The following CTNNA2 variants were observed in gnomAD, a reference collection of about 807,000 sequenced individuals.
The protein encoded by CTNNA2 is catenin alpha-2.
Under a neutral mutation model 101.0 loss-of-function variants are expected in CTNNA2, and 42 were observed. The ratio of observed to expected loss-of-function variants is 0.42; its 90% confidence interval spans 0.32 to 0.54. The LOEUF (loss-of-function observed/expected upper bound fraction) is 0.54, where lower values mean the gene tolerates loss of function less well. CTNNA2 is among the 20% of genes least tolerant of loss of function. The pLI is 0.14. For synonymous variants in CTNNA2, 450 were observed against 456.4 expected, an observed-to-expected ratio of 0.99 and a Z score of 0.18; for missense variants, 871 against 1,223.1, an observed-to-expected ratio of 0.71 and a Z score of 4.29.
chr2:79,680,709 G>T (rs1003751236), intron 2 of CTNNA2, among the ~76,000 whole-genome samples: 1 of 152,168 alleles, frequency 6.6e-6, no homozygotes, highest in Non-Finnish European at 1.5e-5. Context: ...GGGCATTCTT[G>T]ATCTAAATGC....
chr2:80,541,532 A>T (rs1240036540), intron 9 of CTNNA2, among the ~76,000 whole-genome samples: 1 of 152,166 alleles, frequency 6.6e-6, no homozygotes, highest in Non-Finnish European at 1.5e-5. Flanking sequence ...AGTTCAAAAG[A>T]TACACAAAGA....
intron 11 of CTNNA2, 87 bp downstream of exon 11, chr2:80,546,150 T>A (rs370262764): frequency 6.6e-7 from 1 of 1,507,556 alleles, no homozygotes; most frequent in African/African-American, 1.4e-5. Context: ...GTCATGGATC[T>A]GTGTTTCAGG....
At chr2:79,288,084 C>G (rs954708616) in intron 2 of CTNNA2, among the ~76,000 whole-genome samples, 1 of 152,220 alleles carries the variant, frequency 6.6e-6, no homozygotes, top group South Asian at 2.1e-4. Context: ...CCAAGTGAGG[C>G]AATGCCTCGC....
intron 3 of CTNNA2, among the ~76,000 whole-genome samples, chr2:79,825,119 T>G (rs899592299): frequency 6.6e-6 from 1 of 151,612 alleles, no homozygotes; most frequent in Non-Finnish European, 1.5e-5. Context: ...AGCCCAGGAG[T>G]TCAAGGCTGC....
rs563568643 is a variant in CTNNA2 at position 79,710,930 on chromosome 2, A to G, written c.103-33457A>G. On this transcript the variant is annotated intron_variant, in intron 2 of 18. Transcript: ENST00000402739. ...GGCTTTATGAGCTGAATGTATTTTT[A>G]GCAAAGGAATGCCTTTTTGCATGAA... Among the ~76,000 whole-genome samples, 4 of 152,330 alleles carry G rather than the reference A, an allele frequency of 2.6e-5. No homozygotes were observed. In the South Asian group the frequency reaches 8.3e-4, roughly 32 times the overall value.
chr2:79,617,119 G>A (rs1325561078), intron 1 of CTNNA2, among the ~76,000 whole-genome samples: 1 of 152,048 alleles, frequency 6.6e-6, no homozygotes, highest in Non-Finnish European at 1.5e-5. Context: ...GGCCAGGCTA[G>A]TCTCGAACTC....
chr2:79,706,043 G>C (rs749738941), intron 2 of CTNNA2, among the ~76,000 whole-genome samples: 1 of 152,046 alleles, frequency 6.6e-6, no homozygotes, highest in East Asian at 1.9e-4. Flanking sequence ...TGGAAGAGCC[G>C]AAGGCCTTCG....
chr2:79,555,165 G>A lies in CTNNA2; in HGVS notation c.-6+41958G>A, dbSNP rs546864699. ...AATTGAGATGCAGGTGACATCCTTA[G>A]GATTCCTAGGTGACAAAAAACTGTT... On this transcript the variant is annotated intron_variant, in intron 1 of 18. Transcript: ENST00000402739. Among the ~76,000 whole-genome samples, 12 of 152,218 alleles carry A rather than the reference G, an allele frequency of 7.9e-5. No homozygotes were observed. The East Asian group carries it at 2.3e-3, about 29-fold the overall frequency.
chr2:80,493,408 G>T (rs180936321), intron 9 of CTNNA2, among the ~76,000 whole-genome samples: 1 of 152,318 alleles, frequency 6.6e-6, no homozygotes, highest in Admixed American at 6.5e-5. Context: ...ATGGAGAATA[G>T]AAGTTGGTGA....
chr2:79,280,072 T>A (rs1183716867), intron 2 of CTNNA2, among the ~76,000 whole-genome samples: 2 of 152,188 alleles, frequency 1.3e-5, no homozygotes, highest in African/African-American at 4.8e-5. Flanking sequence ...GAAATTGTGG[T>A]CTACAGGACA....
At chr2:79,354,383 T>C (rs965627146) in intron 3 of CTNNA2, among the ~76,000 whole-genome samples, 1 of 152,194 alleles carries the variant, frequency 6.6e-6, no homozygotes, top group Non-Finnish European at 1.5e-5. Context: ...TTTAAAATTC[T>C]TTCTTCTTTA....
At chr2:79,691,371 C>T (rs971637465) in intron 2 of CTNNA2, among the ~76,000 whole-genome samples, 4 of 151,694 alleles carry the variant, frequency 2.6e-5, no homozygotes, top group African/African-American at 7.3e-5. Context: ...TTAGTGGATA[C>T]CATAGAGATT....
intron 2 of CTNNA2, among the ~76,000 whole-genome samples, chr2:79,740,096 G>A (rs76313921): frequency 0.077 from 11,779 of 152,064 alleles, 805 homozygotes; most frequent in African/African-American, 0.18. Flanking sequence ...TTGTGGTACA[G>A]ATTATTTTGT....
chr2:79,948,837 G>T (rs1454204475), intron 7 of CTNNA2, among the ~76,000 whole-genome samples: 5 of 152,130 alleles, frequency 3.3e-5, no homozygotes, highest in African/African-American at 1.2e-4. Context: ...GCGTGGTGAC[G>T]GGTGCCTGTA....
chr2:79,658,277 G>A lies in CTNNA2; in HGVS notation c.102+6619G>A, dbSNP rs950658530. 3.6e-4 allele frequency among the ~76,000 whole-genome samples: 54 copies of A among 151,922 alleles called. 1 individual carries two copies. Among genetic ancestry groups the A allele is most frequent in the South Asian group, 1.0e-3 (5 of 4,820 alleles). On this transcript the variant is annotated intron_variant, in intron 2 of 18. Transcript: ENST00000402739. ...GATAGCTTCAGTAGTTTACTTAACC[G>A]CTCCTTAAATGTAAAATATAGATAA...
chr2:80,528,283 C>T (rs1690212570), intron 9 of CTNNA2, among the ~76,000 whole-genome samples: 1 of 152,128 alleles, frequency 6.6e-6, no homozygotes, highest in Non-Finnish European at 1.5e-5. Context: ...GCAACCTCTG[C>T]CTCCTGGGGT....
chr2:80,250,204 A>AGT (rs56664173), intron 7 of CTNNA2, among the ~76,000 whole-genome samples: 6,612 of 96,372 alleles, frequency 0.069, 384 homozygotes, highest in African/African-American at 0.15. Flanking sequence ...AGAGAGAGAG[A>AGT]GTGTGTGTGT....
intron 7 of CTNNA2, among the ~76,000 whole-genome samples, chr2:80,068,266 G>A (rs1698108210): frequency 6.6e-6 from 1 of 152,186 alleles, no homozygotes; most frequent in African/African-American, 2.4e-5. Flanking sequence ...GTTTTTGGAA[G>A]AGGACCAGCA....
intron 1 of CTNNA2, among the ~76,000 whole-genome samples, chr2:79,628,608 G>C (rs1679479743): frequency 6.6e-6 from 1 of 151,956 alleles, no homozygotes. Flanking sequence ...ATTATTTTTT[G>C]CTCCATAGAA....
Sources: gnomAD v4.1 joint callset for allele counts (sites outside exome capture counted in the v4.1 genomes callset) on GRCh38, gnomAD v4.1.1 for gene constraint, MANE v1.5 for transcripts, NCBI Gene and HGNC (gene_info 2026-07-23, HGNC 2026-07-21) for gene names.